THEMIS: variants seen among roughly 807,000 people sequenced by gnomAD.
The protein encoded by THEMIS is protein THEMIS.
In THEMIS, 37 loss-of-function variants were observed where a neutral mutation model predicts 52.6. That is an observed-to-expected ratio of 0.70 (90% CI 0.54 to 0.93). The LOEUF is 0.93. THEMIS is among the 40% of genes least tolerant of loss of function. The pLI, the probability that THEMIS is intolerant of heterozygous loss-of-function variation, is 0.00. For synonymous variants in THEMIS, 292 were observed against 272.7 expected, an observed-to-expected ratio of 1.07 and a Z score of -0.70; for missense variants, 808 against 763.1, an observed-to-expected ratio of 1.06 and a Z score of -0.69.
chr6:127,745,845 T>G (rs1027684884), intron 4 of THEMIS, among the ~76,000 whole-genome samples: 1 of 151,890 alleles, frequency 6.6e-6, no homozygotes, highest in Non-Finnish European at 1.5e-5. Context: ...CTGCTTGGTT[T>G]CTATTAAGGT....
chr6:127,748,498 A>G (rs1037404907), intron 4 of THEMIS, among the ~76,000 whole-genome samples: 3 of 152,112 alleles, frequency 2.0e-5, no homozygotes, highest in Non-Finnish European at 4.4e-5. Flanking sequence ...CCAGTCCTGC[A>G]AGAGCAGTAG....
intron 4 of THEMIS, among the ~76,000 whole-genome samples, chr6:127,721,330 G>A (rs778614344): frequency 3.9e-5 from 6 of 152,022 alleles, no homozygotes; most frequent in Admixed American, 1.3e-4. Flanking sequence ...ATGCAGCATT[G>A]TATGCTGACG....
In THEMIS at chr6:127,874,123, T is replaced by C. The variant is rs183989093; in HGVS notation, c.92-18935A>G. On this transcript the variant is annotated intron_variant, in intron 1 of 5. Transcript: ENST00000368248. ...GGAACGTTTGTACACGAGAATGAGC[T>C]CACTTTTTACTGCAATTCACAATTT... Among the ~76,000 whole-genome samples, 9 of 152,346 alleles carry C rather than the reference T, an allele frequency of 5.9e-5. No homozygotes were observed. In the East Asian group the frequency reaches 1.7e-3, roughly 29 times the overall value.
chr6:127,768,299 T>A (rs1317735619), intron 4 of THEMIS, among the ~76,000 whole-genome samples: 2 of 152,188 alleles, frequency 1.3e-5, no homozygotes, highest in Non-Finnish European at 2.9e-5. Context: ...CCCTTCTAAC[T>A]AACTTAAATG....
At chr6:127,761,293 G>C (rs1053635547) in intron 4 of THEMIS, among the ~76,000 whole-genome samples, 3 of 152,084 alleles carry the variant, frequency 2.0e-5, no homozygotes, top group East Asian at 1.9e-4. Flanking sequence ...AAGCTGGCAG[G>C]CTTCTGATTT....
At chr6:127,835,675 T>C (rs998439429) in intron 2 of THEMIS, among the ~76,000 whole-genome samples, 3 of 152,130 alleles carry the variant, frequency 2.0e-5, no homozygotes, top group Admixed American at 6.5e-5. Context: ...AATTAGATAT[T>C]CTAGCCTGGA....
the THEMIS span, among the ~76,000 whole-genome samples, chr6:127,702,019 G>T: frequency 6.6e-6 from 1 of 151,090 alleles, no homozygotes; most frequent in Non-Finnish European, 1.5e-5. Context: ...CTTGATTCTC[G>T]GATTTTTTTT....
chr6:127,704,221 A>G (rs12201026), downstream of THEMIS, among the ~76,000 whole-genome samples: 47,537 of 152,048 alleles, frequency 0.31, 9,117 homozygotes, highest in Non-Finnish European at 0.44. Flanking sequence ...TTGGGGTTGG[A>G]TAGGCAGCAT....
intron 1 of THEMIS, among the ~76,000 whole-genome samples, chr6:127,856,392 G>A (rs1213332465): frequency 6.6e-6 from 1 of 151,798 alleles, no homozygotes; most frequent in Non-Finnish European, 1.5e-5. Context: ...TTTATCATAG[G>A]GGCCATCTTT....
Position 127,719,700 on chromosome 6 carries a change from T to C in THEMIS, c.1882A>G (p.Thr628Ala). The C allele has an allele frequency of 6.2e-7, 1 of 1,611,554 alleles. No individual in the cohort carries two copies. ...EEKERSNRGATAIAETFKNEK... is the reference protein window; with the variant it reads ...EEKERSNRGAAAIAETFKNEK... ...GTCACATCAGTACCTGCTATTGCTGTGGCCCCACGGTTGCTCCTTTCTTTC... is the reference window on the plus strand; with the variant it reads ...GTCACATCAGTACCTGCTATTGCTGCGGCCCCACGGTTGCTCCTTTCTTTC... Residue 628 changes from threonine to alanine, a missense_variant, in exon 5 of 6, where the codon ACA becomes GCA. Physicochemically the swap from Thr to Ala is moderately conservative, Grantham distance 58. Coordinates refer to ENST00000368248, the MANE Select transcript of THEMIS (RefSeq NM_001010923.3).
chr6:127,846,243 G>C (rs932763560), intron 2 of THEMIS, among the ~76,000 whole-genome samples: 1 of 151,782 alleles, frequency 6.6e-6, no homozygotes, highest in African/African-American at 2.4e-5. Flanking sequence ...CCTGGAAAAA[G>C]GAAACAATTT....
intron 1 of THEMIS, among the ~76,000 whole-genome samples, chr6:127,889,823 G>A (rs542796796): frequency 2.6e-4 from 39 of 151,952 alleles, no homozygotes; most frequent in Non-Finnish European, 4.6e-4. Context: ...ACATAATGCA[G>A]GTGAAGTTAA....
intron 1 of THEMIS, among the ~76,000 whole-genome samples, chr6:127,886,887 C>T (rs1157733353): frequency 2.6e-5 from 4 of 151,978 alleles, no homozygotes; most frequent in African/African-American, 7.2e-5. Flanking sequence ...TTATGTAGTT[C>T]GAGTTCTTCT....
chr6:127,884,700 C>CGTACT (rs1304719076), intron 1 of THEMIS, among the ~76,000 whole-genome samples: 30 of 152,198 alleles, frequency 2.0e-4, no homozygotes, highest in African/African-American at 7.2e-4. Context: ...CTTTTTGCCT[C>CGTACT]GTACTGCCGT....
Position 127,906,762 on chromosome 6 carries a change from A to T in THEMIS, c.-149-5681T>A, listed in dbSNP as rs187680605. On this transcript the variant is annotated intron_variant, in intron 1 of 6. Coordinates refer to the THEMIS transcript ENST00000368250. ...CTAAAGAACAGAGAAGGACTTGGCT[A>T]TGAAATGATGATTAAATTATAGTTA... Among the ~76,000 whole-genome samples the T allele has an allele frequency of 8.3e-4, 127 of 152,128 alleles. 1 individual carries two copies. Among genetic ancestry groups the T allele is most frequent in the Non-Finnish European group, 1.6e-3 (112 of 67,928 alleles).
chr6:127,795,072 C>T (rs1777281848), intron 4 of THEMIS, among the ~76,000 whole-genome samples: 1 of 152,064 alleles, frequency 6.6e-6, no homozygotes, highest in South Asian at 2.1e-4. Context: ...AAATTCTGTA[C>T]CATAGACAGT....
At chr6:127,905,198 T>A (rs1450172689), upstream of THEMIS, among the ~76,000 whole-genome samples, 1 of 151,940 alleles carries the variant, frequency 6.6e-6, no homozygotes, top group African/African-American at 2.4e-5. Context: ...CTAAGGAACA[T>A]CATACTAAAA....
At position 127,710,618 on chromosome 6, in the gene THEMIS, T is replaced by G. The variant is rs112565815; in HGVS notation, c.1895-602A>C. 5.3e-5 allele frequency among the ~76,000 whole-genome samples: 8 copies of G among 152,138 alleles called. 1 individual carries two copies. Among genetic ancestry groups the G allele is most frequent in the African/African-American group, 1.9e-4 (8 of 41,550 alleles). On this transcript the variant is annotated intron_variant, in intron 5 of 5. Coordinates refer to ENST00000368248, the MANE Select transcript of THEMIS (RefSeq NM_001010923.3). ...CTCCTAGTTAACATGTACACATACC[T>G]GGCATTGAGACAACATCATGTCAGA...
chr6:127,710,947 C>T (rs963570155), intron 5 of THEMIS, among the ~76,000 whole-genome samples: 14 of 144,968 alleles, frequency 9.7e-5, no homozygotes, highest in Admixed American at 8.9e-4. Context: ...CCCTCCTTCC[C>T]TCCCTCCCTC....
Sources: gnomAD v4.1 joint callset for allele counts (sites outside exome capture counted in the v4.1 genomes callset) on GRCh38, gnomAD v4.1.1 for gene constraint, MANE v1.5 for transcripts, NCBI Gene and HGNC (gene_info 2026-07-23, HGNC 2026-07-21) for gene names.